NEO1: variants seen among roughly 807,000 people sequenced by gnomAD.
NEO1 encodes the protein neogenin.
Under a neutral mutation model 159.7 loss-of-function variants are expected in NEO1, and 63 were observed. That is an observed-to-expected ratio of 0.39 (90% CI 0.32 to 0.49). NEO1 has a LOEUF of 0.49. Among genes scored for constraint, NEO1 ranks in the 20% least tolerant of loss-of-function variants. NEO1 has a pLI of 0.85. For synonymous variants in NEO1, 633 were observed against 662.0 expected, an observed-to-expected ratio of 0.96 and a Z score of 0.67; for missense variants, 1,615 against 1,831.0, an observed-to-expected ratio of 0.88 and a Z score of 2.15.
intron 1 of NEO1, among the ~76,000 whole-genome samples, chr15:73,082,572 G>C (rs2069124645): frequency 6.6e-6 from 1 of 151,850 alleles, no homozygotes; most frequent in Non-Finnish European, 1.5e-5. Context: ...GAAGTTCACA[G>C]AACAAAGGAT....
At chr15:73,219,759 T>TG (rs1169517636) in intron 7 of NEO1, among the ~76,000 whole-genome samples, 1 of 137,088 alleles carries the variant, frequency 7.3e-6, no homozygotes, top group African/African-American at 2.7e-5. Flanking sequence ...TGCCTTTTTT[T>TG]GTTTTCCATT....
chr15:73,108,526 T>G (rs1447838032), intron 1 of NEO1, among the ~76,000 whole-genome samples: 1 of 151,992 alleles, frequency 6.6e-6, no homozygotes, highest in African/African-American at 2.4e-5. Flanking sequence ...TTCCTACCTA[T>G]AGGACACTGA....
chr15:73,115,371 T>C lies in NEO1; in HGVS notation c.131-1169T>C, dbSNP rs955647730. Reference sequence around the variant, plus strand: ...TTTTCTAATACCTGCTTGTGGTGTTTGGGAAAGTGTAATTAGTCTGATTAG... The same window carrying C: ...TTTTCTAATACCTGCTTGTGGTGTTCGGGAAAGTGTAATTAGTCTGATTAG... On this transcript the variant is annotated intron_variant, in intron 1 of 28. Coordinates refer to ENST00000261908, the MANE Select transcript of NEO1 (RefSeq NM_002499.4). 2.0e-5 allele frequency among the ~76,000 whole-genome samples: 3 copies of C among 152,224 alleles called. No individual in the cohort carries two copies. In the East Asian group the frequency reaches 5.8e-4, roughly 29 times the overall value.
intron 7 of NEO1, among the ~76,000 whole-genome samples, chr15:73,184,217 G>A (rs754755737): frequency 1.6e-4 from 25 of 151,932 alleles, no homozygotes; most frequent in Middle Eastern, 6.3e-3. Flanking sequence ...GTACAGTGGC[G>A]CGATCTCAGC....
chr15:73,126,281 G>T (rs761236337), intron 3 of NEO1, 136 bp from the exon 4 acceptor site: 1 of 660,506 alleles, frequency 1.5e-6, no homozygotes, highest in Non-Finnish European at 2.5e-6. Flanking sequence ...TATTGCCTAC[G>T]CTGGTCTCAA....
chr15:73,247,835 A>C (rs1760993736), intron 9 of NEO1, among the ~76,000 whole-genome samples: 1 of 152,230 alleles, frequency 6.6e-6, no homozygotes, highest in South Asian at 2.1e-4. Context: ...AGACAAAAAT[A>C]ATACAGTAAA....
At chr15:73,230,465 A>G (rs540644195) in intron 7 of NEO1, among the ~76,000 whole-genome samples, 73 of 152,322 alleles carry the variant, frequency 4.8e-4, no homozygotes, top group African/African-American at 1.6e-3. Flanking sequence ...TACCTGAGAT[A>G]GAAGCTTAGG....
At chr15:73,208,604 G>A (rs2037370337) in intron 7 of NEO1, among the ~76,000 whole-genome samples, 1 of 152,168 alleles carries the variant, frequency 6.6e-6, no homozygotes, top group Non-Finnish European at 1.5e-5. Flanking sequence ...ACTCATGCCT[G>A]TAATCCCAGC....
chr15:73,086,643 A>G (rs1260117593), intron 1 of NEO1, among the ~76,000 whole-genome samples: 1 of 145,854 alleles, frequency 6.9e-6, no homozygotes, highest in Non-Finnish European at 1.5e-5. Flanking sequence ...TGCTCACTGC[A>G]ACCTCTGCAT....
intron 1 of NEO1, among the ~76,000 whole-genome samples, chr15:73,109,305 C>G (rs974696640): frequency 3.3e-5 from 5 of 152,130 alleles, no homozygotes; most frequent in Non-Finnish European, 7.3e-5. Flanking sequence ...TACAAATTCT[C>G]TCTCATCTTC....
intron 1 of NEO1, among the ~76,000 whole-genome samples, chr15:73,099,971 T>C (rs947639111): frequency 1.2e-4 from 18 of 152,344 alleles, no homozygotes; most frequent in South Asian, 2.1e-4. Flanking sequence ...GTATACTTAC[T>C]GTTCACTTTC....
At chr15:73,279,417 C>T (rs1464448698) in intron 22 of NEO1, among the ~76,000 whole-genome samples, 3 of 141,324 alleles carry the variant, frequency 2.1e-5, no homozygotes, top group Non-Finnish European at 4.6e-5. Flanking sequence ...GGCATGATCT[C>T]AGTTCACTGC....
intron 8 of NEO1, among the ~76,000 whole-genome samples, chr15:73,242,276 C>T (rs1460170001): frequency 1.3e-5 from 2 of 152,052 alleles, no homozygotes; most frequent in Non-Finnish European, 2.9e-5. Context: ...GAAGCCTTGC[C>T]AATAACATCA....
intron 7 of NEO1, among the ~76,000 whole-genome samples, chr15:73,219,236 A>G (rs995223789): frequency 6.6e-6 from 1 of 151,880 alleles, no homozygotes; most frequent in African/African-American, 2.4e-5. Flanking sequence ...AGCGGCTTTG[A>G]GTGAGATTCT....
At chr15:73,163,414 T>C (rs533842877) in intron 5 of NEO1, among the ~76,000 whole-genome samples, 12 of 152,204 alleles carry the variant, frequency 7.9e-5, no homozygotes, top group Non-Finnish European at 1.2e-4. Flanking sequence ...ATGACTGTTA[T>C]TAGTTTAGTG....
intron 7 of NEO1, among the ~76,000 whole-genome samples, chr15:73,198,775 C>T (rs1331403067): frequency 6.6e-6 from 1 of 152,006 alleles, no homozygotes; most frequent in Non-Finnish European, 1.5e-5. Flanking sequence ...CTAATTTCCT[C>T]TTTTTTCTTT....
rs144815264 is a variant in NEO1 at position 73,154,286 on chromosome 15, C to G, written c.1015+18259C>G. Among the ~76,000 whole-genome samples the G allele has an allele frequency of 9.8e-4, 149 of 152,154 alleles. 1 individual carries two copies. Among genetic ancestry groups the G allele is most frequent in the African/African-American group, 3.5e-3 (144 of 41,518 alleles). On this transcript the variant is annotated intron_variant, in intron 5 of 28. Transcript: ENST00000261908. ...GATATTTTGACGCTGGCATACAATG[C>G]TTAATAATCACATCAGGGTAAATGG...
At chr15:73,259,581 T>C (rs1370078068) in intron 14 of NEO1, among the ~76,000 whole-genome samples, 2 of 152,072 alleles carry the variant, frequency 1.3e-5, no homozygotes, top group Non-Finnish European at 1.5e-5. Context: ...CTTGAACTCC[T>C]GGGCTCAGGT....
At chr15:73,183,004 G>C (rs1163301942) in intron 7 of NEO1, among the ~76,000 whole-genome samples, 1 of 152,130 alleles carries the variant, frequency 6.6e-6, no homozygotes, top group Non-Finnish European at 1.5e-5. Context: ...TAACTAAAAG[G>C]CCTTTAACTG....
Sources: allele counts gnomAD v4.1 joint callset (sites outside exome capture counted in the v4.1 genomes callset), GRCh38; gene constraint gnomAD v4.1.1; transcripts MANE v1.5; gene names NCBI Gene and HGNC (gene_info 2026-07-23, HGNC 2026-07-21).